Variants in ZNF280D observed in about 807,000 individuals in gnomAD.
ZNF280D encodes zinc finger protein 280D, also known as suppressor of hairy wing homolog 4.
Under a neutral mutation model 94.7 loss-of-function variants are expected in ZNF280D, and 39 were observed. That is an observed-to-expected ratio of 0.41 (90% CI 0.32 to 0.54). ZNF280D has a LOEUF of 0.54. ZNF280D is among the 20% of genes least tolerant of loss of function. ZNF280D has a pLI of 0.22. For synonymous variants in ZNF280D, 398 were observed against 377.6 expected, an observed-to-expected ratio of 1.05 and a Z score of -0.63; for missense variants, 1,090 against 1,149.3, an observed-to-expected ratio of 0.95 and a Z score of 0.75.
At chr15:56,640,546 CAG>C (rs1245756378) in intron 20 of ZNF280D, among the ~76,000 whole-genome samples, 3 of 152,044 alleles carry the variant, frequency 2.0e-5, no homozygotes, top group Admixed American at 6.6e-5. Flanking sequence ...ATGCCAAAAA[CAG>C]TATTATTTTA....
intron 4 of ZNF280D, among the ~76,000 whole-genome samples, 159 bp from the exon 5 acceptor site, chr15:56,701,397 T>C (rs1324401000): frequency 6.6e-6 from 1 of 152,090 alleles, no homozygotes; most frequent in African/African-American, 2.4e-5. Flanking sequence ...ACATACATCT[T>C]TACCTACTAA....
intron 1 of ZNF280D, among the ~76,000 whole-genome samples, chr15:56,731,506 C>CAAAA (rs752976383): frequency 0.026 from 2,079 of 80,450 alleles, 94 homozygotes; most frequent in Admixed American, 0.11. Flanking sequence ...GTACCTATCT[C>CAAAA]AAAAAAAAAA....
At chr15:56,667,730 T>C (rs2054393339) in intron 14 of ZNF280D, among the ~76,000 whole-genome samples, 1 of 152,076 alleles carries the variant, frequency 6.6e-6, no homozygotes, top group African/African-American at 2.4e-5. Context: ...TAACATACAA[T>C]GGCACTGGAC....
At chr15:56,642,582 T>C (rs1355880786) in intron 20 of ZNF280D, among the ~76,000 whole-genome samples, 3 of 151,756 alleles carry the variant, frequency 2.0e-5, no homozygotes, top group Non-Finnish European at 4.4e-5. Context: ...TTTAACCTTT[T>C]GACAGTTAAA....
chr15:56,721,004 C>T (rs909167524), intron 1 of ZNF280D, among the ~76,000 whole-genome samples: 1 of 146,714 alleles, frequency 6.8e-6, no homozygotes, highest in African/African-American at 2.5e-5. Flanking sequence ...GCTCCATTGA[C>T]CAGCCTTGAG....
chr15:56,721,984 A>G (rs1461200837), intron 1 of ZNF280D, among the ~76,000 whole-genome samples: 1 of 152,158 alleles, frequency 6.6e-6, no homozygotes, highest in Non-Finnish European at 1.5e-5. Flanking sequence ...TTAAAGTGAG[A>G]GATGTGCAAA....
intron 19 of ZNF280D, among the ~76,000 whole-genome samples, chr15:56,649,803 G>C (rs2053103782): frequency 3.3e-5 from 5 of 151,948 alleles, no homozygotes; most frequent in Admixed American, 3.3e-4. Flanking sequence ...ATGACAGTAA[G>C]TATCTCTTAA....
At chr15:56,683,053 A>G (rs1210773670) in intron 9 of ZNF280D, among the ~76,000 whole-genome samples, 1 of 152,168 alleles carries the variant, frequency 6.6e-6, no homozygotes, top group African/African-American at 2.4e-5. Context: ...TTACCCTAAA[A>G]TAGCTATAAA....
chr15:56,665,726 G>A (rs1254478620), intron 16 of ZNF280D, among the ~76,000 whole-genome samples: 1 of 78,162 alleles, frequency 1.3e-5, no homozygotes, highest in Non-Finnish European at 3.3e-5. Flanking sequence ...AAAAAAGGAG[G>A]ATGACGCTCA....
At chr15:56,675,593 T>C (rs2055176487) in intron 13 of ZNF280D, among the ~76,000 whole-genome samples, 2 of 151,998 alleles carry the variant, frequency 1.3e-5, no homozygotes, top group East Asian at 1.9e-4. Context: ...CTATATGTAA[T>C]TGGGGAAACC....
At chr15:56,731,782 A>G (rs1415387775) in intron 1 of ZNF280D, among the ~76,000 whole-genome samples, 1 of 152,222 alleles carries the variant, frequency 6.6e-6, no homozygotes, top group African/African-American at 2.4e-5. Context: ...TATGGCAAAA[A>G]GGTAGCGTTA....
intron 8 of ZNF280D, 43 bp downstream of exon 8, chr15:56,689,257 T>C (rs947193069): frequency 3.8e-6 from 6 of 1,576,832 alleles, no homozygotes; most frequent in Non-Finnish European, 5.2e-6. Flanking sequence ...AATGTATGTA[T>C]AAATACTATA....
At chr15:56,655,775 C>T (rs925303065) in intron 17 of ZNF280D, among the ~76,000 whole-genome samples, 2 of 152,186 alleles carry the variant, frequency 1.3e-5, no homozygotes, top group Non-Finnish European at 2.9e-5. Context: ...TACTAAAATG[C>T]TTCAGATAAC....
intron 1 of ZNF280D, 147 bp from the exon 2 acceptor site, chr15:56,707,453 G>A: frequency 2.4e-6 from 1 of 424,638 alleles, no homozygotes; most frequent in Admixed American, 4.2e-5. Flanking sequence ...GTTCATTCCT[G>A]AATAAACCCA....
chr15:56,664,492 T>C (rs1461982216), intron 16 of ZNF280D, among the ~76,000 whole-genome samples: 2 of 152,172 alleles, frequency 1.3e-5, no homozygotes, highest in Non-Finnish European at 2.9e-5. Flanking sequence ...TGAGACATGT[T>C]AGATTTTTAA....
chr15:56,707,525 G>C (rs2057482556), intron 1 of ZNF280D, among the ~76,000 whole-genome samples: 1 of 152,058 alleles, frequency 6.6e-6, no homozygotes, highest in Non-Finnish European at 1.5e-5. Flanking sequence ...GTGATGATTT[G>C]TAAATTACAA....
chr15:56,698,170 G>C (rs1485573414), intron 6 of ZNF280D: 2 of 152,046 alleles, frequency 1.3e-5, no homozygotes, highest in Non-Finnish European at 2.9e-5. Context: ...TAAAATCATT[G>C]GTCTATCTTA....
Position 56,700,516 on chromosome 15 carries a change from G to T in ZNF280D, c.381+417C>A, listed in dbSNP as rs1020863081. 52 of 1,008,014 alleles carry T rather than the reference G, an allele frequency of 5.2e-5. No individual in the cohort carries two copies. In the East Asian group the frequency reaches 8.8e-4, roughly 17 times the overall value. The allele number at this position is 1,008,014 out of a possible 1,614,324, so 62.4% of individuals were successfully genotyped here. A position where few individuals can be genotyped will look rare whatever the true frequency, so the allele number is the denominator to read the frequency against. ...TTTTTTGTAATAGGAAAAAATGTTT[G>T]TTTTTTTTTAACTAACTGAACTATG... On this transcript the variant is annotated intron_variant, in intron 6 of 21. Transcript: ENST00000267807.
intron 19 of ZNF280D, among the ~76,000 whole-genome samples, chr15:56,646,245 G>C (rs1315678769): frequency 1.3e-5 from 2 of 151,984 alleles, no homozygotes; most frequent in Non-Finnish European, 2.9e-5. Context: ...GCAACATAGT[G>C]AGACCTCATC....
Sources: gnomAD v4.1 joint callset for allele counts (sites outside exome capture counted in the v4.1 genomes callset) on GRCh38, gnomAD v4.1.1 for gene constraint, MANE v1.5 for transcripts, NCBI Gene and HGNC (gene_info 2026-07-23, HGNC 2026-07-21) for gene names.